EYS: variants seen among roughly 807,000 people sequenced by gnomAD.
The protein encoded by EYS is EGF-like photoreceptor maintenance factor, also known as protein eyes shut homolog.
In EYS, 250 loss-of-function variants were observed where a neutral mutation model predicts 282.1. The observed-to-expected ratio is 0.89, with a 90% CI of 0.80 to 0.98. The LOEUF is 0.98. Ranked by LOEUF, EYS falls within the 50% of genes least tolerant of loss-of-function variation. The probability of loss-of-function intolerance (pLI) is 0.00; values close to 1 mark genes in which losing one functional copy is unlikely to be tolerated. For missense variants in EYS, 4,016 were observed against 3,709.0 expected, an observed-to-expected ratio of 1.08 and a Z score of -2.15; for synonymous variants, 1,355 against 1,282.9, an observed-to-expected ratio of 1.06 and a Z score of -1.20.
chr6:65,468,777 G>A (rs1765101284), intron 5 of EYS, among the ~76,000 whole-genome samples: 3 of 152,002 alleles, frequency 2.0e-5, no homozygotes. Context: ...CAGTTCTGGT[G>A]ATTGTTACAT....
In EYS at chr6:64,315,821, A is replaced by G. The variant is rs534646692; in HGVS notation, c.6079-8739T>C. On this transcript the variant is annotated intron_variant, in intron 29 of 42. Coordinates refer to ENST00000503581, the MANE Select transcript of EYS (RefSeq NM_001142800.2). Reference sequence around the variant, plus strand: ...AACATCGATGAGAAAACCCTCAATAAAATGCTGGCAAACTGAATCCAGCCA... The same window carrying G: ...AACATCGATGAGAAAACCCTCAATAGAATGCTGGCAAACTGAATCCAGCCA... Among the ~76,000 whole-genome samples the G allele has an allele frequency of 1.4e-4, 21 of 151,530 alleles. No individual in the cohort carries two copies. The South Asian group carries it at 3.3e-3, about 24-fold the overall frequency.
chr6:65,411,472 T>C (rs918413490), intron 5 of EYS, among the ~76,000 whole-genome samples: 7 of 152,106 alleles, frequency 4.6e-5, no homozygotes, highest in African/African-American at 1.2e-4. Flanking sequence ...TATAACACTA[T>C]ATCAAACTAG....
intron 30 of EYS, among the ~76,000 whole-genome samples, chr6:64,259,175 G>A (rs1041971553): frequency 1.3e-5 from 2 of 151,960 alleles, no homozygotes; most frequent in Non-Finnish European, 2.9e-5. Flanking sequence ...AAAAGCTGGG[G>A]TCTGGGATGG....
intron 26 of EYS, among the ~76,000 whole-genome samples, chr6:64,498,613 TCCCTCCCCTTTCCCCCCA>T (rs1352273705): frequency 6.6e-6 from 1 of 151,722 alleles, no homozygotes; most frequent in Non-Finnish European, 1.5e-5. Context: ...CCTAATGCCC[TCCCTCCCCTTTCCCCCCA>T]CCCACCAACA....
chr6:65,048,450 G>C (rs938544436), intron 13 of EYS, among the ~76,000 whole-genome samples: 2 of 151,696 alleles, frequency 1.3e-5, no homozygotes, highest in Non-Finnish European at 2.9e-5. Context: ...CCCATCTTTT[G>C]TGTTCATCTT....
chr6:65,332,531 G>T (rs1028797185), intron 11 of EYS: 2 of 860,642 alleles, frequency 2.3e-6, no homozygotes, highest in Non-Finnish European at 1.9e-6. Flanking sequence ...CATTTTCATT[G>T]ATCTTAGTGG....
chr6:65,365,413 T>A (rs1764877786), intron 8 of EYS, among the ~76,000 whole-genome samples: 4 of 151,656 alleles, frequency 2.6e-5, no homozygotes, highest in African/African-American at 9.7e-5. Flanking sequence ...GATCTCTGTC[T>A]CCATCTCCTG....
intron 36 of EYS, among the ~76,000 whole-genome samples, chr6:63,824,323 C>T (rs1457758051): frequency 6.6e-6 from 1 of 152,098 alleles, no homozygotes; most frequent in African/African-American, 2.4e-5. Flanking sequence ...GTGAGTCCAG[C>T]ATAAGACACA....
intron 12 of EYS, among the ~76,000 whole-genome samples, chr6:65,186,575 A>G (rs1050962072): frequency 6.6e-6 from 1 of 151,842 alleles, no homozygotes; most frequent in Non-Finnish European, 1.5e-5. Context: ...AACAAAGATG[A>G]AATGATGGAG....
chr6:64,237,171 C>T (rs1338342471), intron 30 of EYS, among the ~76,000 whole-genome samples: 1 of 152,122 alleles, frequency 6.6e-6, no homozygotes, highest in Admixed American at 6.5e-5. Flanking sequence ...GCTGTTGTTT[C>T]AAATTATATT....
At chr6:64,097,346 C>A (rs919316994) in intron 31 of EYS, among the ~76,000 whole-genome samples, 2 of 152,174 alleles carry the variant, frequency 1.3e-5, no homozygotes, top group Non-Finnish European at 2.9e-5. Flanking sequence ...GCCCTGCCCC[C>A]AGAGGTAGAG....
rs1236639318 is a variant in EYS at position 63,720,921 on chromosome 6, C to T, written c.9110G>A (p.Gly3037Asp). 2 of 1,551,138 alleles carry T rather than the reference C, an allele frequency of 1.3e-6. No homozygotes were observed. The highest frequency in any genetic ancestry group is 1.2e-5 in the South Asian group (1 of 84,052). Residue 3037 changes from glycine (G) to aspartate (D), a missense_variant, in exon 43 of 43, where the codon GGC (glycine) becomes GAC (aspartate). Coordinates refer to ENST00000503581, the MANE Select transcript of EYS (RefSeq NM_001142800.2). The stretch of plus-strand genomic sequence containing the variant: ...GTGCCATTTATTACAACAGAATGTG[C>T]CATTGTTATAGCTCATAGGCACAGA... ...RISVPMSYNN[G>D]TFCCNKWHHV...
At position 64,398,780 on chromosome 6, in the gene EYS, C is replaced by T. The variant is rs535496094; in HGVS notation, c.5928-9940G>A. Among the ~76,000 whole-genome samples, 12 of 151,860 alleles carry T rather than the reference C, an allele frequency of 7.9e-5. No homozygotes were observed. The East Asian group carries it at 2.1e-3, about 27-fold the overall frequency. On this transcript the variant is annotated intron_variant, in intron 28 of 42. Coordinates refer to ENST00000503581, the MANE Select transcript of EYS (RefSeq NM_001142800.2). ...TATGGTCATGCAGCCAACTTTGGGG[C>T]TTTGATAAAGAAAGCTTTGACAATT...
At chr6:63,781,367 C>A (rs1770221349) in intron 39 of EYS, among the ~76,000 whole-genome samples, 1 of 152,118 alleles carries the variant, frequency 6.6e-6, no homozygotes, top group Non-Finnish European at 1.5e-5. Context: ...GATATTGATT[C>A]TTCCTGTCCA....
intron 41 of EYS, among the ~76,000 whole-genome samples, chr6:63,731,486 C>T (rs1768779790): frequency 6.6e-6 from 1 of 152,080 alleles, no homozygotes; most frequent in Non-Finnish European, 1.5e-5. Context: ...TTATGGTATG[C>T]TATTCAAAAT....
chr6:64,505,829 T>A (rs1010689265), intron 26 of EYS, among the ~76,000 whole-genome samples: 11 of 152,348 alleles, frequency 7.2e-5, no homozygotes, highest in African/African-American at 2.6e-4. Context: ...TATCAACACT[T>A]ATGATCTGAA....
At chr6:64,734,517 C>T (rs548456165) in intron 22 of EYS, among the ~76,000 whole-genome samples, 1 of 152,102 alleles carries the variant, frequency 6.6e-6, no homozygotes, top group South Asian at 2.1e-4. Flanking sequence ...AAATCAATCT[C>T]CTTATAAAAA....
chr6:64,344,709 C>G (rs1485932845), intron 29 of EYS, among the ~76,000 whole-genome samples: 1 of 151,960 alleles, frequency 6.6e-6, no homozygotes, highest in Non-Finnish European at 1.5e-5. Flanking sequence ...GGCAATCAGG[C>G]AGGAGAAGGA....
chr6:65,454,727 A>G (rs545505058), intron 5 of EYS, among the ~76,000 whole-genome samples: 2 of 152,164 alleles, frequency 1.3e-5, no homozygotes, highest in South Asian at 4.1e-4. Flanking sequence ...TCATGTAAAT[A>G]TCCAATTTTC....
Sources: allele counts gnomAD v4.1 joint callset (sites outside exome capture counted in the v4.1 genomes callset), GRCh38; gene constraint gnomAD v4.1.1; transcripts MANE v1.5; gene names NCBI Gene and HGNC (gene_info 2026-07-23, HGNC 2026-07-21).